ATL2: variants seen among roughly 807,000 people sequenced by gnomAD.
The protein encoded by ATL2 is atlastin GTPase 2, also known as atlastin-2.
Under a neutral mutation model 73.9 loss-of-function variants are expected in ATL2, and 31 were observed. The observed-to-expected ratio is 0.42, with a 90% CI of 0.32 to 0.57. The LOEUF is 0.57. ATL2 is among the 20% of genes least tolerant of loss of function. The pLI, the probability that ATL2 is intolerant of heterozygous loss-of-function variation, is 0.14. For synonymous variants in ATL2, 291 were observed against 237.5 expected (o/e 1.23, Z -2.07); for missense variants, 738 against 702.6 (o/e 1.05, Z -0.57).
intron 1 of ATL2, among the ~76,000 whole-genome samples, chr2:38,348,970 G>C (rs1670183046): frequency 6.6e-6 from 1 of 152,030 alleles, no homozygotes; most frequent in African/African-American, 2.4e-5. Context: ...AAACCACAAT[G>C]AGATACCATC....
At chr2:38,347,635 A>G (rs1375129734) in intron 1 of ATL2, among the ~76,000 whole-genome samples, 1 of 152,070 alleles carries the variant, frequency 6.6e-6, no homozygotes, top group Non-Finnish European at 1.5e-5. Context: ...AAGGATCCCA[A>G]TCACCCTGTT....
At chr2:38,332,779 G>C (rs1335512970) in intron 2 of ATL2, among the ~76,000 whole-genome samples, 1 of 152,136 alleles carries the variant, frequency 6.6e-6, no homozygotes, top group East Asian at 1.9e-4. Context: ...CCATATACTA[G>C]TACAATGTGA....
intron 2 of ATL2, among the ~76,000 whole-genome samples, chr2:38,320,637 G>C (rs12712586): frequency 0.33 from 50,103 of 151,798 alleles, 8,456 homozygotes; most frequent in South Asian, 0.47. Flanking sequence ...GATCCCTAAA[G>C]TTTAGTATAC....
intron 1 of ATL2, among the ~76,000 whole-genome samples, chr2:38,352,770 A>G (rs1204936431): frequency 6.6e-6 from 1 of 152,236 alleles, no homozygotes; most frequent in African/African-American, 2.4e-5. Context: ...CTTAGAATTA[A>G]GGGTCAAGTT....
chr2:38,365,134 T>TACACACACACAC (rs541325892), intron 1 of ATL2, among the ~76,000 whole-genome samples: 178 of 132,734 alleles, frequency 1.3e-3, no homozygotes, highest in African/African-American at 4.0e-3. Flanking sequence ...AAGGGAATCA[T>TACACACACACAC]ACACACACAC....
chr2:38,346,637 T>C (rs919173099), intron 1 of ATL2, among the ~76,000 whole-genome samples: 4 of 152,126 alleles, frequency 2.6e-5, no homozygotes, highest in African/African-American at 9.7e-5. Context: ...ACAACCCAGA[T>C]CCCTCACACG....
intron 2 of ATL2, among the ~76,000 whole-genome samples, chr2:38,334,975 ACTT>A (rs1290235859): frequency 1.2e-4 from 6 of 51,942 alleles, no homozygotes; most frequent in Non-Finnish European, 3.0e-4. Flanking sequence ...AATAAGCTAA[ACTT>A]CTACATTAAA....
chr2:38,315,244 T>A (rs1667967137), intron 5 of ATL2, 40 bp downstream of exon 5: 1 of 1,438,032 alleles, frequency 7.0e-7, no homozygotes, highest in Admixed American at 3.1e-5. Flanking sequence ...AGAGCGAAAC[T>A]CCATCTCAAA....
rs1268221591 is a variant in ATL2, at chr2:38,294,405, G to T, written c.*1589C>A. Among the ~76,000 whole-genome samples, 1 of 152,160 alleles carries T rather than the reference G, an allele frequency of 6.6e-6. No individual in the cohort carries two copies. The highest frequency in any genetic ancestry group is 1.5e-5 in the Non-Finnish European group (1 of 68,026). On this transcript the variant is annotated 3_prime_UTR_variant, in exon 13 of 13. Coordinates refer to ENST00000378954, the MANE Select transcript of ATL2 (RefSeq NM_001135673.4). Reference sequence around the variant, plus strand: ...CTACTTAAAATAGAAAACATTAGCCGGGAATGGTGGCACGCACCTGTAGTC... The same window carrying T: ...CTACTTAAAATAGAAAACATTAGCCTGGAATGGTGGCACGCACCTGTAGTC...
chr2:38,373,466 C>T (rs1356748368), intron 1 of ATL2, among the ~76,000 whole-genome samples: 1 of 152,210 alleles, frequency 6.6e-6, no homozygotes, highest in Non-Finnish European at 1.5e-5. Context: ...TCTACTTGTA[C>T]TGGTCCGAAG....
intron 1 of ATL2, among the ~76,000 whole-genome samples, chr2:38,367,985 A>G (rs1671441241): frequency 6.8e-6 from 1 of 147,384 alleles, no homozygotes. Context: ...CCCAGTCTGG[A>G]GTGCAGTGGC....
At chr2:38,357,937 G>C (rs1194576729) in intron 1 of ATL2, among the ~76,000 whole-genome samples, 1 of 152,116 alleles carries the variant, frequency 6.6e-6, no homozygotes, top group Non-Finnish European at 1.5e-5. Flanking sequence ...CACTGTTTGG[G>C]GGGAAATCAA....
intron 2 of ATL2, among the ~76,000 whole-genome samples, chr2:38,333,280 C>A (rs768159643): frequency 6.6e-6 from 1 of 151,840 alleles, no homozygotes; most frequent in Non-Finnish European, 1.5e-5. Flanking sequence ...CAGAGCGAGA[C>A]GATATCTCTA....
At chr2:38,334,706 C>G (rs1450220419) in intron 2 of ATL2, among the ~76,000 whole-genome samples, 1 of 150,634 alleles carries the variant, frequency 6.6e-6, no homozygotes, top group East Asian at 2.0e-4. Context: ...CTCAAACAAA[C>G]AAACAAACAA....
intron 1 of ATL2, among the ~76,000 whole-genome samples, chr2:38,356,067 A>G (rs775782654): frequency 3.4e-4 from 51 of 152,096 alleles, no homozygotes; most frequent in Admixed American, 8.5e-4. Flanking sequence ...TTAAGAATAT[A>G]GAATAGACAA....
intron 1 of ATL2, among the ~76,000 whole-genome samples, chr2:38,356,081 T>C (rs1395502377): frequency 6.6e-6 from 1 of 152,012 alleles, no homozygotes; most frequent in Non-Finnish European, 1.5e-5. Context: ...TAGACAACCC[T>C]ACCCACAAGA....
chr2:38,357,463 A>T (rs894104867), intron 1 of ATL2, among the ~76,000 whole-genome samples: 5 of 151,478 alleles, frequency 3.3e-5, no homozygotes, highest in Non-Finnish European at 5.9e-5. Context: ...AAAAAAAAAG[A>T]AGTAGCATGG....
At chr2:38,339,845 C>A (rs955056240) in intron 2 of ATL2, among the ~76,000 whole-genome samples, 1 of 151,992 alleles carries the variant, frequency 6.6e-6, no homozygotes, top group Admixed American at 6.6e-5. Flanking sequence ...TGCATGCCAC[C>A]GCGCCCAGCT....
intron 1 of ATL2, among the ~76,000 whole-genome samples, chr2:38,348,393 G>A (rs551284639): frequency 3.5e-4 from 53 of 151,688 alleles, no homozygotes; most frequent in African/African-American, 1.3e-3. Context: ...TTGAACCCAG[G>A]AAACGGAGGT....
Sources: allele counts gnomAD v4.1 joint callset (sites outside exome capture counted in the v4.1 genomes callset), GRCh38; gene constraint gnomAD v4.1.1; transcripts MANE v1.5; gene names NCBI Gene and HGNC (gene_info 2026-07-23, HGNC 2026-07-21).